PALM2AKAP2: variants seen among roughly 807,000 people sequenced by gnomAD.
PALM2AKAP2 encodes the protein PALM2-AKAP2 fusion protein.
A neutral mutation model predicts 71.5 loss-of-function variants in PALM2AKAP2; 37 were observed. The observed-to-expected ratio is 0.52, with a 90% CI of 0.40 to 0.68. The LOEUF is 0.68. Ranked by LOEUF, PALM2AKAP2 falls within the 30% of genes least tolerant of loss-of-function variation. The pLI is 0.00. For missense variants in PALM2AKAP2, 1,224 were observed against 1,191.8 expected (o/e 1.03, Z -0.40); for synonymous variants, 468 against 478.8 (o/e 0.98, Z 0.29).
intron 1 of PALM2AKAP2, among the ~76,000 whole-genome samples, chr9:110,095,887 G>A (rs1022131857): frequency 3.3e-5 from 5 of 152,180 alleles, no homozygotes; most frequent in South Asian, 2.1e-4. Flanking sequence ...TTGGGGCTGG[G>A]ACTGGTATGA....
chr9:109,730,858 A>G (rs1004988525), intron 1 of PALM2AKAP2, among the ~76,000 whole-genome samples: 79 of 152,260 alleles, frequency 5.2e-4, no homozygotes, highest in African/African-American at 1.8e-3. Context: ...GATGTCTGCA[A>G]TCTTTCTAAC....
intron 3 of PALM2AKAP2, among the ~76,000 whole-genome samples, chr9:109,893,530 G>C (rs746653806): frequency 9.2e-5 from 14 of 152,144 alleles, no homozygotes; most frequent in Non-Finnish European, 1.6e-4. Context: ...TGCAACCTCT[G>C]CCTCCTGGGT....
chr9:109,952,479 G>T (rs1171283960), intron 6 of PALM2AKAP2, among the ~76,000 whole-genome samples: 2 of 152,222 alleles, frequency 1.3e-5, no homozygotes, highest in Non-Finnish European at 2.9e-5. Context: ...TGCATGGAAG[G>T]TAACTTTAAA....
intron 1 of PALM2AKAP2, among the ~76,000 whole-genome samples, chr9:110,125,786 T>A (rs1476610308): frequency 6.6e-6 from 1 of 151,932 alleles, no homozygotes; most frequent in Non-Finnish European, 1.5e-5. Context: ...CTCTTTTTTT[T>A]TTTTTTGCAA....
At chr9:110,162,182 G>A (rs762361299) in intron 3 of PALM2AKAP2, 50 bp downstream of exon 10, 66 of 1,605,788 alleles carry the variant, frequency 4.1e-5, no homozygotes, top group Non-Finnish European at 5.0e-5. Flanking sequence ...TGATCCAGGT[G>A]CATGCTGTTG....
chr9:110,135,958 T>TA, intron 1 of PALM2AKAP2, among the ~76,000 whole-genome samples, 169 bp from the exon 8 acceptor site: 1 of 152,320 alleles, frequency 6.6e-6, no homozygotes, highest in East Asian at 1.9e-4. Context: ...GGGCACCTGT[T>TA]ACTACAAGAA....
At chr9:110,119,123 T>A (rs1835427039) in intron 1 of PALM2AKAP2, among the ~76,000 whole-genome samples, 1 of 151,834 alleles carries the variant, frequency 6.6e-6, no homozygotes, top group Non-Finnish European at 1.5e-5. Flanking sequence ...AGTGGGCAAA[T>A]CATGAGGTCA....
At chr9:109,864,035 G>C (rs1364291155) in intron 1 of PALM2AKAP2, among the ~76,000 whole-genome samples, 1 of 151,510 alleles carries the variant, frequency 6.6e-6, no homozygotes, top group East Asian at 1.9e-4. Context: ...AGCTGAGACT[G>C]TGACAACAGA....
At chr9:110,163,526 T>C (rs1836656700) in intron 3 of PALM2AKAP2, among the ~76,000 whole-genome samples, 1 of 152,234 alleles carries the variant, frequency 6.6e-6, no homozygotes, top group East Asian at 1.9e-4. Context: ...TTTTTGAGCT[T>C]GTTGTTCATC....
chr9:109,752,903 G>C (rs1432909206), intron 1 of PALM2AKAP2, among the ~76,000 whole-genome samples: 1 of 152,106 alleles, frequency 6.6e-6, no homozygotes, highest in Non-Finnish European at 1.5e-5. Flanking sequence ...TGAGTAGAGA[G>C]AAAAAGCAAC....
chr9:110,109,338 C>CAAAA (rs1554752806), intron 1 of PALM2AKAP2, among the ~76,000 whole-genome samples: 13 of 131,220 alleles, frequency 9.9e-5, no homozygotes, highest in Admixed American at 1.6e-4. Context: ...AAAAAAAAAC[C>CAAAA]AGAAAGAAAG....
intron 2 of PALM2AKAP2, among the ~76,000 whole-genome samples, chr9:109,875,268 C>T (rs941978384): frequency 1.3e-5 from 2 of 152,232 alleles, no homozygotes; most frequent in East Asian, 1.9e-4. Context: ...TTCAAGTCAT[C>T]AGAGAGACCT....
intron 1 of PALM2AKAP2, among the ~76,000 whole-genome samples, chr9:109,668,926 C>T (rs1353396791): frequency 6.6e-6 from 1 of 152,176 alleles, no homozygotes; most frequent in Non-Finnish European, 1.5e-5. Context: ...CAGCTGGGAC[C>T]TATCTTGATA....
At chr9:109,745,559 C>G (rs1344288492) in intron 1 of PALM2AKAP2, among the ~76,000 whole-genome samples, 1 of 151,926 alleles carries the variant, frequency 6.6e-6, no homozygotes, top group East Asian at 1.9e-4. Context: ...CACACACACC[C>G]TTTCCTGTCT....
At chr9:109,732,197 T>A (rs758027951) in intron 1 of PALM2AKAP2, among the ~76,000 whole-genome samples, 2 of 152,206 alleles carry the variant, frequency 1.3e-5, no homozygotes, top group Non-Finnish European at 2.9e-5. Flanking sequence ...CACGTAAGAA[T>A]AGCATTCCTT....
At chr9:109,799,183 A>G (rs1273901698) in intron 1 of PALM2AKAP2, among the ~76,000 whole-genome samples, 2 of 152,244 alleles carry the variant, frequency 1.3e-5, no homozygotes, top group African/African-American at 4.8e-5. Flanking sequence ...TTTGTGATGG[A>G]GCAGAACAGT....
chr9:109,687,339 T>C (rs1827820382), intron 1 of PALM2AKAP2, among the ~76,000 whole-genome samples: 1 of 152,222 alleles, frequency 6.6e-6, no homozygotes, highest in Non-Finnish European at 1.5e-5. Flanking sequence ...TAGAAGGCTG[T>C]TTTGTCCTTA....
At chr9:109,859,294 T>C (rs1829250609) in intron 1 of PALM2AKAP2, among the ~76,000 whole-genome samples, 1 of 152,086 alleles carries the variant, frequency 6.6e-6, no homozygotes, top group Non-Finnish European at 1.5e-5. Context: ...TAGTGGAGGA[T>C]GAGAGAGGTT....
chr9:109,809,243 C>T lies in PALM2AKAP2; in HGVS notation c.45+28710C>T, dbSNP rs553928549. ...TGCAACTAGAAATGCCACAGACTTT[C>T]AATGCTAGTCCATGAAAGCAACTGG... On this transcript the variant is annotated intron_variant, in intron 1 of 9. Transcript: ENST00000302798. Among the ~76,000 whole-genome samples, 12 of 152,316 alleles carry T rather than the reference C, an allele frequency of 7.9e-5. No individual in the cohort carries two copies. In the South Asian group the frequency reaches 2.5e-3, roughly 32 times the overall value.
Sources: allele counts gnomAD v4.1 joint callset (sites outside exome capture counted in the v4.1 genomes callset), GRCh38; gene constraint gnomAD v4.1.1; transcripts MANE v1.5; gene names NCBI Gene and HGNC (gene_info 2026-07-23, HGNC 2026-07-21).